ZDHHC14: variants seen among roughly 807,000 people sequenced by gnomAD.
The protein encoded by ZDHHC14 is palmitoyltransferase ZDHHC14.
ZDHHC14 carries 16 observed loss-of-function variants against 47.7 expected under a neutral mutation model. That is an observed-to-expected ratio of 0.34 (90% CI 0.23 to 0.51). The LOEUF is 0.51. Among genes scored for constraint, ZDHHC14 ranks in the 20% least tolerant of loss-of-function variants. ZDHHC14 has a pLI of 0.97. For synonymous variants in ZDHHC14, 293 were observed against 278.9 expected (o/e 1.05, Z -0.50); for missense variants, 515 against 662.5 (o/e 0.78, Z 2.44).
At chr6:157,563,270 C>G (rs1020764042) in intron 2 of ZDHHC14, among the ~76,000 whole-genome samples, 1 of 152,230 alleles carries the variant, frequency 6.6e-6, no homozygotes, top group Non-Finnish European at 1.5e-5. Flanking sequence ...GCAATGCTTC[C>G]TGGAAAGGCC....
intron 1 of ZDHHC14, among the ~76,000 whole-genome samples, chr6:157,452,491 A>G (rs930814484): frequency 2.6e-5 from 4 of 151,834 alleles, no homozygotes; most frequent in Non-Finnish European, 4.4e-5. Flanking sequence ...ACAAAATTCT[A>G]TTTTTTTGGA....
At position 157,381,790 on chromosome 6, in the gene ZDHHC14, G is replaced by A. The variant is rs1264215668; in HGVS notation, c.-232G>A. On this transcript the variant is annotated 5_prime_UTR_variant, in exon 1 of 9. Coordinates refer to ENST00000359775, the MANE Select transcript of ZDHHC14 (RefSeq NM_024630.3). ...ACGGAGGAGTGCTGCCGCGGGCTGC[G>A]GACCAGCGCCGTCCCCTCACGGAGC... 1 of 158,374 alleles carries A rather than the reference G, an allele frequency of 6.3e-6. No homozygotes were observed. The highest frequency in any genetic ancestry group is 2.4e-5 in the African/African-American group (1 of 41,006). 9.8% of individuals were successfully genotyped at this position (158,374 alleles called of 1,614,324 possible). A position where few individuals can be genotyped will look rare whatever the true frequency, so the allele number is the denominator to read the frequency against.
rs1043443003 is a variant in ZDHHC14 at position 157,676,996 on chromosome 6, A to C, written c.*3874A>C. 1.3e-5 allele frequency: 2 copies of C among 152,238 alleles called. No homozygotes were observed. The highest frequency in any genetic ancestry group is 2.9e-5 in the Non-Finnish European group (2 of 68,036). 9.4% of individuals were successfully genotyped at this position (152,238 alleles called of 1,614,324 possible). A position where few individuals can be genotyped will look rare whatever the true frequency, so the allele number is the denominator to read the frequency against. ...ATTTAGTTCTTGACCAGGTAAGAAA[A>C]GAATAAAGGAGAACAAATATTAAAT... On this transcript the variant is annotated 3_prime_UTR_variant, in exon 9 of 9. Coordinates refer to ENST00000359775, the MANE Select transcript of ZDHHC14 (RefSeq NM_024630.3).
chr6:157,605,770 T>C (rs1784516557), intron 3 of ZDHHC14, among the ~76,000 whole-genome samples: 1 of 152,050 alleles, frequency 6.6e-6, no homozygotes, highest in African/African-American at 2.4e-5. Flanking sequence ...CAACAATTGG[T>C]GTCAACCGTG....
intron 6 of ZDHHC14, among the ~76,000 whole-genome samples, chr6:157,646,817 A>G (rs560836478): frequency 6.6e-6 from 1 of 152,340 alleles, no homozygotes; most frequent in Admixed American, 6.5e-5. Flanking sequence ...ATATTAATAC[A>G]GTTATTTGTA....
chr6:157,474,028 G>A (rs1192311933), intron 1 of ZDHHC14, among the ~76,000 whole-genome samples: 3 of 135,450 alleles, frequency 2.2e-5, no homozygotes, highest in Non-Finnish European at 3.0e-5. Context: ...TCGCTCTATC[G>A]CCCAAGCTGG....
chr6:157,548,281 T>C (rs1014407407), intron 2 of ZDHHC14, among the ~76,000 whole-genome samples: 4 of 152,186 alleles, frequency 2.6e-5, no homozygotes, highest in African/African-American at 9.7e-5. Flanking sequence ...GTCGTTTTTA[T>C]TTGCAGTGGC....
intron 3 of ZDHHC14, among the ~76,000 whole-genome samples, chr6:157,616,587 G>C (rs1322569927): frequency 2.6e-5 from 4 of 152,130 alleles, no homozygotes; most frequent in African/African-American, 9.7e-5. Context: ...CCACTCCCAG[G>C]TGCACCCTCC....
intron 4 of ZDHHC14, chr6:157,630,862 T>TCA (rs1051642166): frequency 1.4e-5 from 2 of 141,622 alleles, no homozygotes; most frequent in Admixed American, 7.1e-5. Flanking sequence ...ACCAATAAGC[T>TCA]CACACACACA....
At chr6:157,573,143 C>T (rs150510877) in intron 2 of ZDHHC14, among the ~76,000 whole-genome samples, 5,925 of 145,652 alleles carry the variant, frequency 0.041, 150 homozygotes, top group Non-Finnish European at 0.058. Flanking sequence ...ATTGTCTGCA[C>T]TCGCCATCCC....
At chr6:157,645,514 A>G (rs1363069898) in intron 5 of ZDHHC14, among the ~76,000 whole-genome samples, 2 of 152,192 alleles carry the variant, frequency 1.3e-5, no homozygotes, top group Non-Finnish European at 2.9e-5. Context: ...GGAGCCACAG[A>G]GGCTGCTCCA....
intron 1 of ZDHHC14, among the ~76,000 whole-genome samples, chr6:157,422,431 T>A (rs1309563376): frequency 6.6e-6 from 1 of 152,164 alleles, no homozygotes; most frequent in Non-Finnish European, 1.5e-5. Flanking sequence ...ACATCCCAGA[T>A]TTAAAGGAAT....
chr6:157,548,899 T>G (rs917025339), intron 2 of ZDHHC14, among the ~76,000 whole-genome samples: 3 of 152,260 alleles, frequency 2.0e-5, no homozygotes, highest in Non-Finnish European at 4.4e-5. Flanking sequence ...TGGGCCCTGA[T>G]GAACAGGCCA....
chr6:157,462,286 A>G (rs761562297), intron 1 of ZDHHC14, among the ~76,000 whole-genome samples: 7 of 152,046 alleles, frequency 4.6e-5, no homozygotes, highest in African/African-American at 1.2e-4. Context: ...CACCCTTTCT[A>G]TTCTTTTCCA....
chr6:157,434,118 C>T (rs898299552), intron 1 of ZDHHC14, among the ~76,000 whole-genome samples: 2 of 151,766 alleles, frequency 1.3e-5, no homozygotes, highest in Non-Finnish European at 2.9e-5. Context: ...TACATAACCG[C>T]CAACAACAAA....
intron 1 of ZDHHC14, among the ~76,000 whole-genome samples, chr6:157,439,343 G>A (rs966033238): frequency 1.3e-5 from 2 of 152,094 alleles, no homozygotes; most frequent in Admixed American, 6.6e-5. Context: ...TAGAAGGTGG[G>A]CAAAGGACAT....
At chr6:157,506,087 G>A (rs185785826) in intron 1 of ZDHHC14, among the ~76,000 whole-genome samples, 1 of 152,306 alleles carries the variant, frequency 6.6e-6, no homozygotes, top group East Asian at 1.9e-4. Flanking sequence ...GGTGGTTAAA[G>A]GCTTTTCCCA....
Position 157,429,657 on chromosome 6 carries a change from TAAAG to T in ZDHHC14, c.245+47394_245+47397del, listed in dbSNP as rs927241729. Among the ~76,000 whole-genome samples the T allele has an allele frequency of 7.3e-5, 11 of 149,678 alleles. No individual in the cohort carries two copies. In the East Asian group the frequency reaches 7.9e-4, roughly 11 times the overall value. ...GGAAGGAGAGCAAGGAGGAAAGAAATAAAGAAGGAAGGAGGGAGATCCGATTTTA... is the reference window on the plus strand; with the variant it reads ...GGAAGGAGAGCAAGGAGGAAAGAAATAAGGAAGGAGGGAGATCCGATTTTA... On this transcript the variant is annotated intron_variant, in intron 1 of 8. Coordinates refer to ENST00000359775, the MANE Select transcript of ZDHHC14 (RefSeq NM_024630.3).
At position 157,447,928 on chromosome 6, in the gene ZDHHC14, G is replaced by C. The variant is rs113962326; in HGVS notation, c.245+65662G>C. On this transcript the variant is annotated intron_variant, in intron 1 of 8. Coordinates refer to ENST00000359775, the MANE Select transcript of ZDHHC14 (RefSeq NM_024630.3). ...ACTCTGTTGCCCAGGCTGGAGTGCA[G>C]TGGTGTGATCATAGCTCACTGCAGC... Among the ~76,000 whole-genome samples, 943 of 152,240 alleles carry C rather than the reference G, an allele frequency of 6.2e-3. 7 individuals carry two copies. The highest frequency in any genetic ancestry group is 0.021 in the African/African-American group (884 of 41,546).
Sources: gnomAD v4.1 joint callset for allele counts (sites outside exome capture counted in the v4.1 genomes callset) on GRCh38, gnomAD v4.1.1 for gene constraint, MANE v1.5 for transcripts, NCBI Gene and HGNC (gene_info 2026-07-23, HGNC 2026-07-21) for gene names.